The following OSCP1 variants were observed in gnomAD, a reference collection of about 807,000 sequenced individuals.
OSCP1 encodes the protein organic solute carrier partner 1.
OSCP1 carries 35 observed loss-of-function variants against 45.1 expected under a neutral mutation model. That is an observed-to-expected ratio of 0.78 (90% CI 0.59 to 1.03). OSCP1 has a LOEUF of 1.03. OSCP1 is among the 50% of genes least tolerant of loss of function. The pLI is 0.00. For synonymous variants in OSCP1, 179 were observed against 180.1 expected, an observed-to-expected ratio of 0.99 and a Z score of 0.05; for missense variants, 400 against 470.7, an observed-to-expected ratio of 0.85 and a Z score of 1.39.
At chr1:36,431,664 C>A (rs1039881734) in intron 4 of OSCP1, 138 bp downstream of exon 4, 2 of 654,700 alleles carry the variant, frequency 3.1e-6, no homozygotes, top group Non-Finnish European at 5.1e-6. Flanking sequence ...TTATCAATAT[C>A]TTTATCATTA....
intron 1 of OSCP1, among the ~76,000 whole-genome samples, chr1:36,441,553 C>T (rs1275511976): frequency 6.6e-6 from 1 of 150,702 alleles, no homozygotes; most frequent in African/African-American, 2.4e-5. Context: ...TCGAGACCAT[C>T]CTGGCTAACG....
At chr1:36,427,610 C>A (rs1284210166) in intron 4 of OSCP1, among the ~76,000 whole-genome samples, 1 of 152,170 alleles carries the variant, frequency 6.6e-6, no homozygotes, top group East Asian at 1.9e-4. Flanking sequence ...AGCCACTGCA[C>A]CCAGCTGAAA....
In OSCP1 at chr1:36,423,378, A is replaced by G. The variant is rs1354985286; in HGVS notation, c.605T>C (p.Val202Ala). The G allele has an allele frequency of 1.9e-6, 3 of 1,610,818 alleles. No homozygotes were observed. Among genetic ancestry groups the G allele is most frequent in the Non-Finnish European group, 2.5e-6 (3 of 1,177,122 alleles). Residue 202 changes from valine (V) to alanine (A), a missense_variant, in exon 5 of 10, where the codon GTT becomes GCT. Val to Ala is a moderately conservative substitution (Grantham distance 64). Coordinates refer to ENST00000235532, the MANE Select transcript of OSCP1 (RefSeq NM_145047.5). ...GGGAATTCACCTGATGAGTCCTGGAACTTCAGTTCCCCAAGGAACAGGCCC... is the reference window on the plus strand; with the variant it reads ...GGGAATTCACCTGATGAGTCCTGGAGCTTCAGTTCCCCAAGGAACAGGCCC... ...VSGPVPWGTE[V>A]PGLIRMFNNK...
chr1:36,429,105 G>A lies in OSCP1; in HGVS notation c.516+2697C>T, dbSNP rs187396377. On this transcript the variant is annotated intron_variant, in intron 4 of 9. Coordinates refer to ENST00000235532, the MANE Select transcript of OSCP1 (RefSeq NM_145047.5). Reference sequence around the variant, plus strand: ...GTTGAGATTCAAAGAGAAAGGTGAAGCTGGGCACAGTGGCTCACACTTGTA... The same window carrying A: ...GTTGAGATTCAAAGAGAAAGGTGAAACTGGGCACAGTGGCTCACACTTGTA... 1.7e-3 allele frequency among the ~76,000 whole-genome samples: 263 copies of A among 152,272 alleles called. 3 individuals are homozygous for A. The highest frequency in any genetic ancestry group is 3.7e-4 in the Non-Finnish European group (25 of 68,018).
chr1:36,430,308 T>C (rs1648275672), intron 4 of OSCP1, among the ~76,000 whole-genome samples: 3 of 152,174 alleles, frequency 2.0e-5, no homozygotes, highest in South Asian at 4.1e-4. Flanking sequence ...CCCAAAGTGC[T>C]AGGATTACAG....
intron 1 of OSCP1, chr1:36,444,044 CA>C: frequency 6.2e-7 from 1 of 1,612,700 alleles, no homozygotes; most frequent in Non-Finnish European, 8.5e-7. Flanking sequence ...CTACATGAAG[CA>C]TACAAAAAGA....
intron 4 of OSCP1, 135 bp from the exon 5 acceptor site, chr1:36,423,601 G>A (rs140925842): frequency 5.1e-5 from 31 of 611,844 alleles, no homozygotes; most frequent in Middle Eastern, 7.5e-4. Context: ...GAGGCTGGGC[G>A]CAGTGGATCA....
At chr1:36,430,821 A>G (rs1037794627) in intron 4 of OSCP1, among the ~76,000 whole-genome samples, 5 of 152,020 alleles carry the variant, frequency 3.3e-5, no homozygotes, top group African/African-American at 4.8e-5. Flanking sequence ...TGCCCGGCTC[A>G]CTTTTGTATT....
chr1:36,437,807 A>T lies in OSCP1; in HGVS notation c.267+949T>A, dbSNP rs148420759. Among the ~76,000 whole-genome samples, 51 of 152,212 alleles carry T rather than the reference A, an allele frequency of 3.4e-4. No homozygotes were observed. In the East Asian group the frequency reaches 7.4e-3, roughly 22 times the overall value. ...GCTAGGATTACAGGTGTGAGCCACC[A>T]TGCCCACTCAGGGTTGAGTGCTTTT... On this transcript the variant is annotated intron_variant, in intron 2 of 9. Coordinates refer to ENST00000235532, the MANE Select transcript of OSCP1 (RefSeq NM_145047.5).
intron 8 of OSCP1, chr1:36,419,324 G>A (rs1011746820): frequency 2.7e-5 from 13 of 474,452 alleles, no homozygotes; most frequent in Non-Finnish European, 4.5e-5. Flanking sequence ...TCAAATGCCA[G>A]CTCCTTCAAT....
rs1294707344 is a variant in OSCP1 at position 36,422,879 on chromosome 1, C to T, written c.638G>A (p.Gly213Asp). 5 of 1,605,368 alleles carry T rather than the reference C, an allele frequency of 3.1e-6. No individual in the cohort carries two copies. The highest frequency in any genetic ancestry group is 2.2e-5 in the South Asian group (2 of 89,622). Reference sequence around the variant, plus strand: ...GAATTCTATCCTCTTCACTTCTTCACCTTTGTTGTTGAACATTCTACAATA... The same window carrying T: ...GAATTCTATCCTCTTCACTTCTTCATCTTTGTTGTTGAACATTCTACAATA... ...PGLIRMFNNK[G>D]EEVKRIEFKH... Residue 213 changes from glycine to aspartate, a missense_variant, in exon 6 of 10, where the codon GGT becomes GAT. Transcript: ENST00000235532.
chr1:36,438,900 G>A lies in OSCP1; in HGVS notation c.123C>T (p.Asp41=). 1 of 1,613,940 alleles carries A rather than the reference G, an allele frequency of 6.2e-7. No homozygotes were observed. The highest frequency in any genetic ancestry group is 8.5e-7 in the Non-Finnish European group (1 of 1,179,924). The change falls in exon 2 of 10, where the codon GAC becomes GAT. Residue 41 remains aspartate (D), a synonymous_variant. Coordinates refer to ENST00000235532, the MANE Select transcript of OSCP1 (RefSeq NM_145047.5). Reference sequence around the variant, plus strand: ...TTCTATTGAACATGGTGGAGATGATGTCATTCAGAACTGCAGAGACAAGAG... The same window carrying A: ...TTCTATTGAACATGGTGGAGATGATATCATTCAGAACTGCAGAGACAAGAG... ...PGDKARKVLN[D]IISTMFNRKF...
In OSCP1 at chr1:36,445,623, A is replaced by G. The variant is rs996325125; in HGVS notation, c.112+4635T>C. The stretch of plus-strand genomic sequence containing the variant: ...TCAAGAGTCATGGGCTTTTGAAAAG[A>G]AAATATTGGGAAAGCAGCACCAAAA... On this transcript the variant is annotated intron_variant, in intron 1 of 9. Coordinates refer to ENST00000235532, the MANE Select transcript of OSCP1 (RefSeq NM_145047.5). Among the ~76,000 whole-genome samples, 3 of 152,254 alleles carry G rather than the reference A, an allele frequency of 2.0e-5. No homozygotes were observed. The South Asian group carries it at 6.2e-4, about 32-fold the overall frequency.
rs542522628 is a variant in OSCP1, at chr1:36,423,470, GA to G, written c.517-5del. ...TGTCCTTTAGAAACATGGATACCTG[GA>G]AAAAAATACATTTATTGTCATTTTT... On this transcript the variant is annotated splice_region_variant and splice_polypyrimidine_tract_variant and intron_variant, in intron 4 of 9. Coordinates refer to ENST00000235532, the MANE Select transcript of OSCP1 (RefSeq NM_145047.5). 3,228 of 1,583,182 alleles carry G rather than the reference GA, an allele frequency of 2.0e-3. 11 individuals are homozygous for G. Among genetic ancestry groups the G allele is most frequent in the Middle Eastern group, 0.014 (85 of 5,948 alleles).
chr1:36,432,472 AGT>A lies in OSCP1; in HGVS notation c.383_384del (p.Asp128ValfsTer56), dbSNP rs1648433918. 1.2e-6 allele frequency: 2 copies of A among 1,613,988 alleles called. No individual in the cohort carries two copies. Among genetic ancestry groups the A allele is most frequent in the Non-Finnish European group, 1.7e-6 (2 of 1,180,028 alleles). On this transcript the variant is annotated frameshift_variant, in exon 3 of 10. Coordinates refer to ENST00000235532, the MANE Select transcript of OSCP1 (RefSeq NM_145047.5). LOFTEE classifies it high-confidence loss of function. ...HLDTIKGFIR[D>X]SPTILQQVDE... Reference sequence around the variant, plus strand: ...TCCACTTGCTGCAGGATGGTTGGGGAGTCTCGGATGAATCCCTTGATGGTATC... The same window carrying A: ...TCCACTTGCTGCAGGATGGTTGGGGACTCGGATGAATCCCTTGATGGTATC...
chr1:36,443,968 T>TCC (rs1649351757), intron 1 of OSCP1: 3 of 1,603,232 alleles, frequency 1.9e-6, no homozygotes, highest in Non-Finnish European at 2.6e-6. Context: ...AACCTGTGGA[T>TCC]GCACACTGAA....
intron 1 of OSCP1, among the ~76,000 whole-genome samples, chr1:36,444,267 C>T (rs565754357): frequency 6.6e-6 from 1 of 152,280 alleles, no homozygotes; most frequent in East Asian, 1.9e-4. Context: ...AGAGACTGGC[C>T]TAAGAAGAGA....
At chr1:36,422,270 TTCTC>T (rs761487179) in intron 6 of OSCP1, 51 bp from the exon 7 acceptor site, 36 of 1,508,340 alleles carry the variant, frequency 2.4e-5, no homozygotes, top group Non-Finnish European at 3.0e-5. Flanking sequence ...TTCCACGGAC[TTCTC>T]TCTAACTCGT....
chr1:36,418,411 GAGA>G (rs1187553477), intron 9 of OSCP1, 156 bp from the exon 10 acceptor site: 27 of 641,040 alleles, frequency 4.2e-5, no homozygotes, highest in Admixed American at 3.6e-4. Flanking sequence ...GCTGATCAGA[GAGA>G]AGAAGAGGGT....
Sources: allele counts gnomAD v4.1 joint callset (sites outside exome capture counted in the v4.1 genomes callset), GRCh38; gene constraint gnomAD v4.1.1; transcripts MANE v1.5; gene names NCBI Gene and HGNC (gene_info 2026-07-23, HGNC 2026-07-21).